PLEKHG5: variants seen among roughly 807,000 people sequenced by gnomAD.
PLEKHG5 encodes the protein pleckstrin homology and RhoGEF domain containing G5, also known as pleckstrin homology domain-containing family G member 5.
Under a neutral mutation model 103.8 loss-of-function variants are expected in PLEKHG5, and 52 were observed. The ratio of observed to expected loss-of-function variants is 0.50; its 90% CI spans 0.40 to 0.63. The LOEUF is 0.63. Among genes scored for constraint, PLEKHG5 ranks in the 30% least tolerant of loss-of-function variants. PLEKHG5 has a pLI of 0.00. For missense variants in PLEKHG5, 1,205 were observed against 1,347.6 expected, an observed-to-expected ratio of 0.89 and a Z score of 1.66; for synonymous variants, 592 against 575.5, an observed-to-expected ratio of 1.03 and a Z score of -0.41.
chr1:6,470,721 G>A lies in PLEKHG5; in HGVS notation c.1542+14C>T. 1 of 1,553,370 alleles carries A rather than the reference G, an allele frequency of 6.4e-7. No homozygotes were observed. Among genetic ancestry groups the A allele is most frequent in the South Asian group, 1.2e-5 (1 of 84,854 alleles). On this transcript the variant is annotated intron_variant, in intron 14 of 20. Coordinates refer to ENST00000377728, the MANE Select transcript of PLEKHG5 (RefSeq NM_020631.6). Reference sequence around the variant, plus strand: ...CGCGCAGGGGGGACGGCTCCCGCTGGCCATCAGGGTTACCATGGCGACGAC... The same window carrying A: ...CGCGCAGGGGGGACGGCTCCCGCTGACCATCAGGGTTACCATGGCGACGAC...
intron 1 of PLEKHG5, among the ~76,000 whole-genome samples, chr1:6,483,226 C>T (rs1247971414): frequency 6.6e-6 from 1 of 152,340 alleles, no homozygotes; most frequent in East Asian, 1.9e-4. Context: ...AGCAGGCCCA[C>T]GTGCTCAGGG....
rs1326237092 is a variant in PLEKHG5 at position 6,486,678 on chromosome 1, C to T, written c.-88+4959G>A. On this transcript the variant is annotated intron_variant, in intron 1 of 20. Coordinates refer to ENST00000377728, the MANE Select transcript of PLEKHG5 (RefSeq NM_020631.6). The surrounding 1 kb of genome is among the most constrained non-coding windows in gnomAD (Gnocchi z 5.3). ...TCAGCAAAGCCTGAGAGGACGCAAACGCCCAGACTCTGGTGCTGGAGTCAC... is the reference window on the plus strand; with the variant it reads ...TCAGCAAAGCCTGAGAGGACGCAAATGCCCAGACTCTGGTGCTGGAGTCAC... Among the ~76,000 whole-genome samples the T allele has an allele frequency of 7.9e-5, 12 of 152,238 alleles. No individual in the cohort carries two copies. The highest frequency in any genetic ancestry group is 1.9e-4 in the East Asian group (1 of 5,196).
At chr1:6,515,810 G>A (rs78032147) in intron 1 of PLEKHG5, among the ~76,000 whole-genome samples, 14,305 of 152,122 alleles carry the variant, frequency 0.094, 1,052 homozygotes, top group East Asian at 0.36. Flanking sequence ...GTCCCCTACC[G>A]CTGCCCCTGC....
In PLEKHG5 at chr1:6,470,332, C is replaced by T; in HGVS notation, c.1704G>A (p.Leu568=). 6.2e-7 allele frequency: 1 copy of T among 1,614,038 alleles called. No homozygotes were observed. The highest frequency in any genetic ancestry group is 1.1e-5 in the South Asian group (1 of 91,074). ...CGCCAGGGATGGGCGCTGTCAAGTC[C>T]AGGTGCAGAAATTCCTTCAGGAGCT... is the stretch of plus-strand genomic sequence containing the variant. ...VDKLLKEFLH[L]DLTAPIPGAS... Residue 568 remains leucine (L), a synonymous_variant, in exon 16 of 21, where the codon CTG becomes CTA. Coordinates refer to ENST00000377728, the MANE Select transcript of PLEKHG5 (RefSeq NM_020631.6).
Position 6,470,319 on chromosome 1 carries a change from G to A in PLEKHG5, c.1717C>T (p.Pro573Ser). The change falls in exon 16 of 21, where the codon CCC (proline) becomes TCC (serine). Residue 573 changes from proline (P) to serine (S), a missense_variant. Transcript: ENST00000377728. ...TCCTCCGGGGAGGCGCCAGGGATGG[G>A]CGCTGTCAAGTCCAGGTGCAGAAAT... is the stretch of plus-strand genomic sequence containing the variant. ...KEFLHLDLTA[P>S]IPGASPEETR... The A allele has an allele frequency of 6.2e-7, 1 of 1,614,082 alleles. No homozygotes were observed. Among genetic ancestry groups the A allele is most frequent in the Non-Finnish European group, 8.5e-7 (1 of 1,180,010 alleles).
At chr1:6,498,771 C>T (rs371236709), upstream of PLEKHG5, among the ~76,000 whole-genome samples, 21 of 152,226 alleles carry the variant, frequency 1.4e-4, no homozygotes, top group Non-Finnish European at 2.1e-4. Context: ...CCCAGCCTCA[C>T]CCCCACACTG....
At position 6,467,411 on chromosome 1, in the gene PLEKHG5, G is replaced by A. The variant is rs1036693653; in HGVS notation, c.*152C>T. 2.3e-6 allele frequency: 2 copies of A among 851,732 alleles called. No homozygotes were observed. The highest frequency in any genetic ancestry group is 3.3e-5 in the African/African-American group (2 of 60,574). 52.8% of individuals were successfully genotyped at this position (851,732 alleles called of 1,614,324 possible). On this transcript the variant is annotated 3_prime_UTR_variant, in exon 21 of 21. Coordinates refer to ENST00000377728, the MANE Select transcript of PLEKHG5 (RefSeq NM_020631.6). ...CCTCCACTCCATCCAGTCCGGCAAA[G>A]CGCAAATCGGGCCCGGGCGTAGGCA...
chr1:6,490,042 G>A lies in PLEKHG5; in HGVS notation c.-88+1595C>T, dbSNP rs1042759583. ...GACTGCCCGAGGCGCAGCCTCTGGCGCCCCCTGCCGGCCTCGAGAGGGCTT... is the reference window on the plus strand; with the variant it reads ...GACTGCCCGAGGCGCAGCCTCTGGCACCCCCTGCCGGCCTCGAGAGGGCTT... On this transcript the variant is annotated intron_variant, in intron 1 of 20. Transcript: ENST00000377728. The surrounding 1 kb of genome is among the most constrained non-coding windows in gnomAD (Gnocchi z 8.0). 2.0e-5 allele frequency among the ~76,000 whole-genome samples: 3 copies of A among 152,114 alleles called. No individual in the cohort carries two copies. Among genetic ancestry groups the A allele is most frequent in the Non-Finnish European group, 4.4e-5 (3 of 68,016 alleles).
intron 1 of PLEKHG5, among the ~76,000 whole-genome samples, chr1:6,508,122 C>T (rs1638374587): frequency 6.6e-6 from 1 of 152,166 alleles, no homozygotes; most frequent in African/African-American, 2.4e-5. Flanking sequence ...GCAGCAGAGA[C>T]TCCTTCCTAC....
chr1:6,509,247 C>T (rs1638410159), intron 1 of PLEKHG5, among the ~76,000 whole-genome samples: 1 of 152,248 alleles, frequency 6.6e-6, no homozygotes, highest in Non-Finnish European at 1.5e-5. Context: ...TCTCGTCCCA[C>T]CTCTGGTTCC....
chr1:6,507,777 G>T (rs773317861), intron 1 of PLEKHG5, among the ~76,000 whole-genome samples: 1 of 152,168 alleles, frequency 6.6e-6, no homozygotes, highest in Non-Finnish European at 1.5e-5. Context: ...CTCCCGCGCC[G>T]GCACGGGGCC....
At chr1:6,477,346 G>A (rs1165872196) in intron 2 of PLEKHG5, among the ~76,000 whole-genome samples, 183 bp downstream of exon 2, 3 of 152,220 alleles carry the variant, frequency 2.0e-5, no homozygotes, top group Non-Finnish European at 2.9e-5. Context: ...CCTCTGGAAG[G>A]GGCACGCTCA....
intron 1 of PLEKHG5, among the ~76,000 whole-genome samples, chr1:6,478,282 G>A (rs115571172): frequency 0.018 from 2,691 of 151,040 alleles, 75 homozygotes; most frequent in African/African-American, 0.061. Flanking sequence ...CGTGATCCTC[G>A]AGCCTCAGCC....
At chr1:6,514,671 G>C (rs748437757) in intron 1 of PLEKHG5, among the ~76,000 whole-genome samples, 11 of 151,370 alleles carry the variant, frequency 7.3e-5, no homozygotes, top group Admixed American at 2.0e-4. Context: ...TGAGGCATGA[G>C]AATTGCTTGA....
intron 1 of PLEKHG5, among the ~76,000 whole-genome samples, chr1:6,480,827 G>C (rs899182804): frequency 4.6e-5 from 7 of 151,976 alleles, no homozygotes; most frequent in East Asian, 3.9e-4. Context: ...TTTTAGTAGA[G>C]ATAGGATTTC....
intron 1 of PLEKHG5, among the ~76,000 whole-genome samples, chr1:6,482,821 G>A (rs1460455639): frequency 2.0e-5 from 3 of 152,200 alleles, no homozygotes; most frequent in African/African-American, 4.8e-5. Flanking sequence ...CAATTCTCCT[G>A]TTTCAGCCTC....
intron 1 of PLEKHG5, among the ~76,000 whole-genome samples, chr1:6,481,256 G>A (rs1423085064): frequency 1.3e-5 from 2 of 152,146 alleles, no homozygotes; most frequent in African/African-American, 4.8e-5. Context: ...AAGGGGCCAG[G>A]AGCAGTGGCT....
intron 5 of PLEKHG5, 153 bp from the exon 6 acceptor site, chr1:6,474,740 TC>T: frequency 2.6e-6 from 2 of 767,218 alleles, no homozygotes; most frequent in Non-Finnish European, 4.3e-6. Flanking sequence ...CACACGCAGG[TC>T]CACAGACACC....
In PLEKHG5 at chr1:6,473,008, C is replaced by T. The variant is rs773966438; in HGVS notation, c.962G>A (p.Arg321Gln). Residue 321 changes from arginine to glutamine, a missense_variant, in exon 9 of 21, where the codon CGG becomes CAG. By Grantham distance (43) the Arg-to-Gln change is conservative. Transcript: ENST00000377728. ...CACCTCATGCCCATCAATGAGCTCCCGCCAGCTGTCCTCCAGCCTCAGGCA... is the reference window on the plus strand; with the variant it reads ...CACCTCATGCCCATCAATGAGCTCCTGCCAGCTGTCCTCCAGCCTCAGGCA... ...NACLRLEDSW[R>Q]ELIDGHEKLT... The T allele has an allele frequency of 2.5e-6, 4 of 1,614,064 alleles. No homozygotes were observed. Among genetic ancestry groups the T allele is most frequent in the East Asian group, 4.5e-5 (2 of 44,882 alleles).
Sources: gnomAD v4.1 joint callset for allele counts (sites outside exome capture counted in the v4.1 genomes callset) on GRCh38, gnomAD v4.1.1 for gene constraint, Gnocchi (gnomAD v3.1) non-coding constraint, MANE v1.5 for transcripts, NCBI Gene and HGNC (gene_info 2026-07-23, HGNC 2026-07-21) for gene names.